Variants in DERA observed in about 807,000 individuals in gnomAD.
DERA encodes the protein deoxyribose-phosphate aldolase, also known as 2-deoxy-D-ribose 5-phosphate aldolase.
In DERA, 15 loss-of-function variants were observed where a neutral mutation model predicts 41.1. The observed-to-expected ratio is 0.37, with a 90% CI of 0.24 to 0.56. The LOEUF (loss-of-function observed/expected upper bound fraction) is 0.56. Among genes scored for constraint, DERA ranks in the 20% least tolerant of loss-of-function variants. The probability of loss-of-function intolerance (pLI) is 0.81; values close to 1 mark genes in which losing one functional copy is unlikely to be tolerated. For synonymous variants in DERA, 139 were observed against 137.4 expected (o/e 1.01, Z -0.08); for missense variants, 396 against 403.4 (o/e 0.98, Z 0.16).
At chr12:15,974,204 C>G (rs746397762) in intron 5 of DERA, among the ~76,000 whole-genome samples, 1 of 152,076 alleles carries the variant, frequency 6.6e-6, no homozygotes, top group Non-Finnish European at 1.5e-5. Flanking sequence ...CACTCTTGTA[C>G]CAAGCCACAG....
Position 15,967,351 on chromosome 12 carries a change from A to G in DERA, c.508+4404A>G, listed in dbSNP as rs1262025981. 1.3e-5 allele frequency among the ~76,000 whole-genome samples: 2 copies of G among 152,150 alleles called. No homozygotes were observed. Among genetic ancestry groups the G allele is most frequent in the African/African-American group, 4.8e-5 (2 of 41,462 alleles). ...GAGCCATGATTGTGCCACTGCACTCATAAGCCACTGCGCCTGGCCTAATAG... is the reference window on the plus strand; with the variant it reads ...GAGCCATGATTGTGCCACTGCACTCGTAAGCCACTGCGCCTGGCCTAATAG... On this transcript the variant is annotated intron_variant, in intron 5 of 8. Coordinates refer to ENST00000428559, the MANE Select transcript of DERA (RefSeq NM_015954.4). This position sits in a 1 kb window ranked among gnomAD's most constrained non-coding sequence, Gnocchi z 4.9.
chr12:16,037,317 A>T lies in DERA; in HGVS notation c.*571A>T, dbSNP rs1402454839. On this transcript the variant is annotated 3_prime_UTR_variant, in exon 9 of 9. Coordinates refer to ENST00000428559, the MANE Select transcript of DERA (RefSeq NM_015954.4). This position sits in a 1 kb window ranked among gnomAD's most constrained non-coding sequence, Gnocchi z 6.7. ...TATAGTTTATTTTTTTAAAAAACTTAAAAATTGTTACAATACATAATGAAA... is the reference window on the plus strand; with the variant it reads ...TATAGTTTATTTTTTTAAAAAACTTTAAAATTGTTACAATACATAATGAAA... The T allele has an allele frequency of 6.6e-6, 1 of 152,238 alleles. No individual in the cohort carries two copies. The highest frequency in any genetic ancestry group is 1.5e-5 in the Non-Finnish European group (1 of 68,078). The allele number at this position is 152,238 out of a possible 1,614,324, so 9.4% of individuals were successfully genotyped here. A position where few individuals can be genotyped will look rare whatever the true frequency, so the allele number is the denominator to read the frequency against.
intron 1 of DERA, among the ~76,000 whole-genome samples, chr12:15,933,814 C>G: frequency 6.6e-6 from 1 of 152,262 alleles, no homozygotes; most frequent in East Asian, 1.9e-4. Context: ...CCTTCTCCGA[C>G]CAGCCTCATC....
chr12:16,008,531 A>G lies in DERA; in HGVS notation c.638-24011A>G, dbSNP rs1948928059. 6.6e-6 allele frequency among the ~76,000 whole-genome samples: 1 copy of G among 152,350 alleles called. No individual in the cohort carries two copies. Among genetic ancestry groups the G allele is most frequent in the African/African-American group, 2.4e-5 (1 of 41,590 alleles). On this transcript the variant is annotated intron_variant, in intron 6 of 8. Coordinates refer to ENST00000428559, the MANE Select transcript of DERA (RefSeq NM_015954.4). The surrounding 1 kb of genome is among the most constrained non-coding windows in gnomAD (Gnocchi z 4.8). ...TCTGAGTGATCCCCCCAGTAAACTAATGTAGGATATATTTGGATGTCCAGG... is the reference window on the plus strand; with the variant it reads ...TCTGAGTGATCCCCCCAGTAAACTAGTGTAGGATATATTTGGATGTCCAGG...
intron 5 of DERA, among the ~76,000 whole-genome samples, chr12:15,977,809 C>A (rs558986585): frequency 6.6e-6 from 1 of 152,118 alleles, no homozygotes; most frequent in African/African-American, 2.4e-5. Context: ...AATTGTCTCA[C>A]GATGGATGGT....
chr12:15,960,041 G>A, intron 4 of DERA, 117 bp downstream of exon 4: 1 of 701,232 alleles, frequency 1.4e-6, no homozygotes, highest in Non-Finnish European at 2.2e-6. Flanking sequence ...TATTTAATTA[G>A]TTGTATTTAT....
chr12:16,001,500 AAG>A lies in DERA; in HGVS notation c.637+19071_637+19072del, dbSNP rs1428825268. On this transcript the variant is annotated intron_variant, in intron 6 of 8. Coordinates refer to ENST00000428559, the MANE Select transcript of DERA (RefSeq NM_015954.4). This position sits in a 1 kb window ranked among gnomAD's most constrained non-coding sequence, Gnocchi z 4.1. ...AGAAAGAGATTCGTGCTCAGTAACA[AAG>A]AGAGAGTAATACAGACTTGTGGAGT... 3.3e-5 allele frequency among the ~76,000 whole-genome samples: 5 copies of A among 152,158 alleles called. No homozygotes were observed. The highest frequency in any genetic ancestry group is 1.3e-4 in the Admixed American group (2 of 15,284).
rs1484520469 is a variant in DERA at position 15,962,893 on chromosome 12, A to G, written c.454A>G (p.Thr152Ala). Residue 152 changes from threonine (T) to alanine (A), a missense_variant, in exon 5 of 9, where the codon ACA (threonine) becomes GCA (alanine). Coordinates refer to ENST00000428559, the MANE Select transcript of DERA (RefSeq NM_015954.4). ...CAGATTGGCTGTGGAAGATGGAGCTACAGAAATCGACGTGGTAATTAACAG... is the reference window on the plus strand; with the variant it reads ...CAGATTGGCTGTGGAAGATGGAGCTGCAGAAATCGACGTGGTAATTAACAG... The part of the protein sequence containing the change: ...EIRLAVEDGA[T>A]EIDVVINRSL... 2.5e-6 allele frequency: 4 copies of G among 1,595,256 alleles called. No homozygotes were observed. Among genetic ancestry groups the G allele is most frequent in the African/African-American group, 1.3e-5 (1 of 74,896 alleles).
Position 15,970,596 on chromosome 12 carries a change from T to C in DERA, c.508+7649T>C, listed in dbSNP as rs992278263. Among the ~76,000 whole-genome samples, 12 of 152,144 alleles carry C rather than the reference T, an allele frequency of 7.9e-5. No individual in the cohort carries two copies. The highest frequency in any genetic ancestry group is 1.3e-4 in the Non-Finnish European group (9 of 68,018). ...GTTTTTAAATTTTCATTTCTTTTTT[T>C]AAAATACACCATTCTATTTTTGAAA... On this transcript the variant is annotated intron_variant, in intron 5 of 8. Coordinates refer to ENST00000428559, the MANE Select transcript of DERA (RefSeq NM_015954.4). The surrounding 1 kb of genome is among the most constrained non-coding windows in gnomAD (Gnocchi z 4.3).
intron 6 of DERA, among the ~76,000 whole-genome samples, chr12:16,022,452 A>G (rs1363140412): frequency 6.6e-6 from 1 of 152,170 alleles, no homozygotes; most frequent in African/African-American, 2.4e-5. Flanking sequence ...GCAATAATGG[A>G]CTAACACAGC....
In DERA at chr12:15,922,855, G is replaced by A. The variant is rs1948253946; in HGVS notation, c.31+11441G>A. The stretch of plus-strand genomic sequence containing the variant: ...TGTAAAACAGACACACGAGAATGTA[G>A]GTTCATCAGTTGTAAGGTTTATACC... On this transcript the variant is annotated intron_variant, in intron 1 of 8. Coordinates refer to ENST00000428559, the MANE Select transcript of DERA (RefSeq NM_015954.4). The surrounding 1 kb of genome is among the most constrained non-coding windows in gnomAD (Gnocchi z 4.9). Among the ~76,000 whole-genome samples, 1 of 152,060 alleles carries A rather than the reference G, an allele frequency of 6.6e-6. No individual in the cohort carries two copies. The highest frequency in any genetic ancestry group is 6.5e-5 in the Admixed American group (1 of 15,268).
At position 16,032,614 on chromosome 12, in the gene DERA, TGCGG is replaced by T; in HGVS notation, c.713_716del (p.Arg238ProfsTer13). ...ACCTTCCCGGTAGCTATAGTAATGC[TGCGG>T]GCCATTAGAGATTTCTTCTGGAAAA... is the stretch of plus-strand genomic sequence containing the variant. On this transcript the variant is annotated frameshift_variant, in exon 7 of 9. Transcript: ENST00000428559. LOFTEE classifies it high-confidence loss of function. The T allele has an allele frequency of 6.4e-7, 1 of 1,567,150 alleles. No homozygotes were observed. Among genetic ancestry groups the T allele is most frequent in the Non-Finnish European group, 8.7e-7 (1 of 1,154,612 alleles).
intron 7 of DERA, among the ~76,000 whole-genome samples, chr12:16,034,311 A>G (rs1430521275): frequency 1.3e-5 from 2 of 152,218 alleles, no homozygotes; most frequent in Non-Finnish European, 2.9e-5. Context: ...CCTTCTCAGG[A>G]GAGCTCTTAG....
chr12:16,027,381 G>C (rs1358132893), intron 6 of DERA, among the ~76,000 whole-genome samples: 1 of 152,212 alleles, frequency 6.6e-6, no homozygotes, highest in African/African-American at 2.4e-5. Context: ...CTAATCCCTG[G>C]AACCTGTGAA....
intron 1 of DERA, among the ~76,000 whole-genome samples, chr12:15,914,063 T>C (rs866745218): frequency 4.4e-4 from 67 of 152,262 alleles, no homozygotes; most frequent in African/African-American, 1.5e-3. Context: ...CCTAGAATAG[T>C]GTTTGGTACA....
Position 16,036,428 on chromosome 12 carries a change from G to C in DERA, c.900+47G>C, listed in dbSNP as rs527274316. 7 of 1,546,666 alleles carry C rather than the reference G, an allele frequency of 4.5e-6. No homozygotes were observed. The Admixed American group carries it at 1.4e-4, about 32-fold the overall frequency. ...TGGAATAAATTAACAAGTGTTTTTT[G>C]AGAAAGGAATTGAAAAGTCAAATTG... On this transcript the variant is annotated intron_variant, in intron 8 of 8. Coordinates refer to ENST00000428559, the MANE Select transcript of DERA (RefSeq NM_015954.4). This position sits in a 1 kb window ranked among gnomAD's most constrained non-coding sequence, Gnocchi z 4.9.
At chr12:15,929,894 T>G (rs1948315063) in intron 1 of DERA, among the ~76,000 whole-genome samples, 1 of 152,172 alleles carries the variant, frequency 6.6e-6, no homozygotes, top group East Asian at 1.9e-4. Flanking sequence ...TAAATATATA[T>G]GTTGGGATGT....
intron 6 of DERA, among the ~76,000 whole-genome samples, chr12:16,023,099 C>T (rs1050610307): frequency 6.6e-6 from 1 of 152,080 alleles, no homozygotes; most frequent in Non-Finnish European, 1.5e-5. Flanking sequence ...AGTTACAGCC[C>T]AGGGACACAG....
Position 16,013,924 on chromosome 12 carries a change from A to G in DERA, c.638-18618A>G, listed in dbSNP as rs562713505. 1.3e-5 allele frequency among the ~76,000 whole-genome samples: 2 copies of G among 152,308 alleles called. No homozygotes were observed. The highest frequency in any genetic ancestry group is 3.9e-4 in the East Asian group (2 of 5,166). ...ACTCTTGCTGTGCTTTAGCAAAGAG[A>G]CTGGTGGCACTTTGCCCCTGCCCTA... On this transcript the variant is annotated intron_variant, in intron 6 of 8. Coordinates refer to ENST00000428559, the MANE Select transcript of DERA (RefSeq NM_015954.4). This position sits in a 1 kb window ranked among gnomAD's most constrained non-coding sequence, Gnocchi z 5.8.
Sources: gnomAD v4.1 joint callset for allele counts (sites outside exome capture counted in the v4.1 genomes callset) on GRCh38, gnomAD v4.1.1 for gene constraint, Gnocchi (gnomAD v3.1) non-coding constraint, MANE v1.5 for transcripts, NCBI Gene and HGNC (gene_info 2026-07-23, HGNC 2026-07-21) for gene names.